The following MED7 variants were observed in gnomAD, a reference collection of about 807,000 sequenced individuals.
The protein encoded by MED7 is mediator of RNA polymerase II transcription subunit 7.
A neutral mutation model predicts 16.6 loss-of-function variants in MED7; 7 were observed. The observed-to-expected ratio is 0.42, with a 90% CI of 0.24 to 0.79. The LOEUF (loss-of-function observed/expected upper bound fraction) is 0.79. Among genes scored for constraint, MED7 ranks in the 30% least tolerant of loss-of-function variants. MED7 has a pLI of 0.27. For synonymous variants in MED7, 88 were observed against 90.5 expected (o/e 0.97, Z 0.16); for missense variants, 240 against 286.3 (o/e 0.84, Z 1.17).
At position 157,137,520 on chromosome 5, in the gene MED7, T is replaced by G. The variant is rs1410110018; in HGVS notation, c.*1210A>C. On this transcript the variant is annotated 3_prime_UTR_variant, in exon 2 of 2. Coordinates refer to ENST00000286317, the MANE Select transcript of MED7 (RefSeq NM_004270.5). ...GCTGCTGGTCCAGGACCACACACTT[T>G]AAGAACCACGGGCCTACATTAAGAA... 1 of 152,212 alleles carries G rather than the reference T, an allele frequency of 6.6e-6. No individual in the cohort carries two copies. The highest frequency in any genetic ancestry group is 1.5e-5 in the Non-Finnish European group (1 of 68,058). 9.4% of individuals were successfully genotyped at this position (152,212 alleles called of 1,614,324 possible).
rs1027699334 is a variant in MED7, at chr5:157,139,320, T to C, written c.112A>G (p.Ile38Val). 4 of 1,614,008 alleles carry C rather than the reference T, an allele frequency of 2.5e-6. No individual in the cohort carries two copies. Among genetic ancestry groups the C allele is most frequent in the African/African-American group, 2.7e-5 (2 of 74,924 alleles). ...EGLAPKPPPP[I>V]KDSYMMFGNQ... ...CCAAACATCATGTAACTGTCTTTTATTGGAGGGGGAGGCTTGGGAGCTAAG... is the reference window on the plus strand; with the variant it reads ...CCAAACATCATGTAACTGTCTTTTACTGGAGGGGGAGGCTTGGGAGCTAAG... Residue 38 changes from isoleucine (I) to valine (V), a missense_variant, in exon 2 of 2, where the codon ATA becomes GTA. Physicochemically the swap from Ile to Val is conservative, Grantham distance 29 (BLOSUM62 3). Transcript: ENST00000286317.
chr5:157,138,893 G>A lies in MED7; in HGVS notation c.539C>T (p.Ala180Val), dbSNP rs1368343709. 6.2e-7 allele frequency: 1 copy of A among 1,614,042 alleles called. No homozygotes were observed. The highest frequency in any genetic ancestry group is 8.5e-7 in the Non-Finnish European group (1 of 1,180,012). The stretch of plus-strand genomic sequence containing the variant: ...TGGTTCAGTTTTTACTCTCATTCCT[G>A]CTTCTGAATGAGGCAAATCATCAGG... ...SLPDDLPHSE[A>V]GMRVKTEPMD... The change falls in exon 2 of 2, where the codon GCA becomes GTA. Residue 180 changes from alanine (A) to valine (V), a missense_variant. Transcript: ENST00000286317.
chr5:157,138,331 A>C lies in MED7; in HGVS notation c.*399T>G, dbSNP rs533094913. On this transcript the variant is annotated 3_prime_UTR_variant, in exon 2 of 2. Transcript: ENST00000286317. Reference sequence around the variant, plus strand: ...GCTTAAGCAAAATTTTTAATGGAATAAGTCTAAAGATTTCATAGTTTTACA... The same window carrying C: ...GCTTAAGCAAAATTTTTAATGGAATCAGTCTAAAGATTTCATAGTTTTACA... 1.3e-5 allele frequency: 2 copies of C among 157,588 alleles called. No homozygotes were observed. The highest frequency in any genetic ancestry group is 4.8e-5 in the African/African-American group (2 of 41,638). 9.8% of individuals were successfully genotyped at this position (157,588 alleles called of 1,614,324 possible). A position where few individuals can be genotyped will look rare whatever the true frequency, so the allele number is the denominator to read the frequency against.
At chr5:157,142,647 C>G (rs934220712) in intron 1 of MED7, 173 bp downstream of exon 1, 1 of 152,278 alleles carries the variant, frequency 6.6e-6, no homozygotes, top group African/African-American at 2.4e-5. Context: ...CCTCCGCGCT[C>G]TCGGAGAGAC....
In MED7 at chr5:157,139,460, G is replaced by A. The variant is rs762575440; in HGVS notation, c.-17-12C>T. 2.8e-6 allele frequency: 4 copies of A among 1,423,884 alleles called. No homozygotes were observed. Among genetic ancestry groups the A allele is most frequent in the African/African-American group, 2.9e-5 (2 of 69,162 alleles). The allele number at this position is 1,423,884 out of a possible 1,614,324, so 88.2% of individuals were successfully genotyped here. ...GGACTATCAAGAACCTATGGACACAGACCAAAGATTTATTAGAGCCACAAG... is the reference window on the plus strand; with the variant it reads ...GGACTATCAAGAACCTATGGACACAAACCAAAGATTTATTAGAGCCACAAG... On this transcript the variant is annotated splice_polypyrimidine_tract_variant and intron_variant, in intron 1 of 1. Transcript: ENST00000286317.
chr5:157,142,268 T>G (rs991684249), intron 1 of MED7: 2 of 152,172 alleles, frequency 1.3e-5, no homozygotes, highest in Non-Finnish European at 2.9e-5. Context: ...CGACAGACAT[T>G]CCAGGGTCCC....
At chr5:157,142,291 T>G (rs748207874) in intron 1 of MED7, 1 of 152,094 alleles carries the variant, frequency 6.6e-6, no homozygotes, top group Non-Finnish European at 1.5e-5. Flanking sequence ...CCCCAGAGAT[T>G]TGATTCATTC....
rs1446443353 is a variant in MED7 at position 157,139,421 on chromosome 5, G to A, written c.11C>T (p.Pro4Leu). The change falls in exon 2 of 2, where the codon CCA (proline) becomes CTA (leucine). Residue 4 changes from proline (P) to leucine (L), a missense_variant. Pro to Leu is a moderately conservative substitution (Grantham distance 98, BLOSUM62 -3). Coordinates refer to ENST00000286317, the MANE Select transcript of MED7 (RefSeq NM_004270.5). ...TGGTGGAAGTGCACTCACTTGCTGT[G>A]GTTCACCCATTGTGGACTATCAAGA... Reference protein sequence around the residue: MGEPQQVSALPPPP... With the variant: MGELQQVSALPPPP... 2 of 1,573,400 alleles carry A rather than the reference G, an allele frequency of 1.3e-6. No homozygotes were observed. The highest frequency in any genetic ancestry group is 8.6e-7 in the Non-Finnish European group (1 of 1,162,172).
At chr5:157,139,566 A>G in intron 1 of MED7, 118 bp from the exon 2 acceptor site, 1 of 544,052 alleles carries the variant, frequency 1.8e-6, no homozygotes, top group Non-Finnish European at 3.0e-6. Context: ...AGACAAGATG[A>G]TCTCCTTGGT....
In MED7 at chr5:157,138,693, C is replaced by A. The variant is rs1008006735; in HGVS notation, c.*37G>T. 1 of 1,470,306 alleles carries A rather than the reference C, an allele frequency of 6.8e-7. No individual in the cohort carries two copies. Among genetic ancestry groups the A allele is most frequent in the Non-Finnish European group, 9.2e-7 (1 of 1,087,398 alleles). 91.1% of individuals were successfully genotyped at this position (1,470,306 alleles called of 1,614,324 possible). A position where few individuals can be genotyped will look rare whatever the true frequency, so the allele number is the denominator to read the frequency against. On this transcript the variant is annotated 3_prime_UTR_variant, in exon 2 of 2. Coordinates refer to ENST00000286317, the MANE Select transcript of MED7 (RefSeq NM_004270.5). ...AAAGAAAATGAACTAATATATGATGCTATTATCAAAAGGAAAAAAAGAAAA... is the reference window on the plus strand; with the variant it reads ...AAAGAAAATGAACTAATATATGATGATATTATCAAAAGGAAAAAAAGAAAA...
At position 157,139,261 on chromosome 5, in the gene MED7, G is replaced by A. The variant is rs1359483482; in HGVS notation, c.171C>T (p.Arg57=). The change falls in exon 2 of 2, where the codon CGC becomes CGT. Residue 57 remains arginine, a synonymous_variant. Transcript: ENST00000286317. The part of the protein sequence containing the change: ...NQFQCDDLII[R]PLESQGIERL... ...GTTCGATGCCCTGACTTTCCAAAGG[G>A]CGGATGATAAGATCATCACATTGGA... 1.2e-6 allele frequency: 2 copies of A among 1,614,102 alleles called. No homozygotes were observed. The highest frequency in any genetic ancestry group is 3.3e-5 in the Admixed American group (2 of 60,002).
intron 1 of MED7, among the ~76,000 whole-genome samples, chr5:157,141,000 T>G (rs1757713700): frequency 6.6e-6 from 1 of 152,240 alleles, no homozygotes. Flanking sequence ...TCAGTGTGTT[T>G]TCTCGTGACA....
intron 1 of MED7, among the ~76,000 whole-genome samples, chr5:157,142,111 TCTA>T (rs1445615206): frequency 2.0e-5 from 3 of 152,194 alleles, no homozygotes; most frequent in Non-Finnish European, 4.4e-5. Flanking sequence ...TATTTCTTTC[TCTA>T]CTGTCTCTCT....
At position 157,138,874 on chromosome 5, in the gene MED7, A is replaced by G; in HGVS notation, c.558T>C (p.Thr186=). ...PHSEAGMRVK[T]EPMDADDSNN... ...TGCTATCATCAGCATCCATTGGTTC[A>G]GTTTTTACTCTCATTCCTGCTTCTG... The change falls in exon 2 of 2, where the codon ACT becomes ACC. Residue 186 remains threonine (T), a synonymous_variant. Coordinates refer to ENST00000286317, the MANE Select transcript of MED7 (RefSeq NM_004270.5). 6.2e-7 allele frequency: 1 copy of G among 1,614,186 alleles called. No homozygotes were observed. The highest frequency in any genetic ancestry group is 8.5e-7 in the Non-Finnish European group (1 of 1,180,044).
chr5:157,139,304 AT>A lies in MED7; in HGVS notation c.127del (p.Met43Ter). The part of the protein sequence containing the change: ...KPPPPIKDSY[M>X]MFGNQFQCDD... ...ACATTGGAACTGATTGCCAAACATC[AT>A]GTAACTGTCTTTTATTGGAGGGGGA... On this transcript the variant is annotated frameshift_variant, in exon 2 of 2. Transcript: ENST00000286317. LOFTEE classifies it high-confidence loss of function. 6.2e-7 allele frequency: 1 copy of A among 1,614,154 alleles called. No individual in the cohort carries two copies. Among genetic ancestry groups the A allele is most frequent in the Non-Finnish European group, 8.5e-7 (1 of 1,180,028 alleles).
At chr5:157,141,162 G>A (rs760570914) in intron 1 of MED7, among the ~76,000 whole-genome samples, 4 of 151,838 alleles carry the variant, frequency 2.6e-5, no homozygotes, top group Admixed American at 6.6e-5. Context: ...CTCACTGCAA[G>A]CTCGGACTCC....
chr5:157,140,514 C>A (rs2113712269), intron 1 of MED7, among the ~76,000 whole-genome samples: 1 of 152,250 alleles, frequency 6.6e-6, no homozygotes, highest in African/African-American at 2.4e-5. Context: ...TCGGGTGGGG[C>A]AAGTATCCTA....
intron 1 of MED7, among the ~76,000 whole-genome samples, chr5:157,141,662 CA>C (rs1377922080): frequency 1.3e-5 from 2 of 152,090 alleles, no homozygotes; most frequent in African/African-American, 4.8e-5. Context: ...CATCAGGGCT[CA>C]CTGCAACCTC....
In MED7 at chr5:157,139,200, G is replaced by A. The variant is rs752155846; in HGVS notation, c.232C>T (p.Leu78=). 52 of 1,611,948 alleles carry A rather than the reference G, an allele frequency of 3.2e-5. 1 individual carries two copies. The highest frequency in any genetic ancestry group is 4.1e-5 in the Non-Finnish European group (48 of 1,179,592). ...HPMQFDHKKE[L]RKLNMSILIN... ...AGGATAGACATATTAAGTTTTCTCA[G>A]TTCTTTCTTGTGATCAAACTGCATA... The change falls in exon 2 of 2, where the codon CTG becomes TTG. Residue 78 remains leucine (L), a synonymous_variant. Transcript: ENST00000286317.
Sources: allele counts gnomAD v4.1 joint callset (sites outside exome capture counted in the v4.1 genomes callset), GRCh38; gene constraint gnomAD v4.1.1; transcripts MANE v1.5; gene names NCBI Gene and HGNC (gene_info 2026-07-23, HGNC 2026-07-21).